The following AARS1 variants were observed in gnomAD, a reference collection of about 807,000 sequenced individuals.
AARS1 encodes alanine--tRNA ligase, cytoplasmic.
Under a neutral mutation model 108.9 loss-of-function variants are expected in AARS1, and 72 were observed. The ratio of observed to expected loss-of-function variants is 0.66; its 90% CI spans 0.55 to 0.80. The LOEUF is 0.80. Ranked by LOEUF, AARS1 falls within the 30% of genes least tolerant of loss-of-function variation. The pLI is 0.00. For synonymous variants in AARS1, 489 were observed against 465.7 expected (o/e 1.05, Z -0.64); for missense variants, 1,193 against 1,233.2 (o/e 0.97, Z 0.49).
chr16:70,289,349 G>A (rs1265841347), intron 1 of AARS1, 72 bp downstream of exon 1: 1 of 354,914 alleles, frequency 2.8e-6, no homozygotes, highest in African/African-American at 2.1e-5. Flanking sequence ...CACTGCGGCT[G>A]CGGAGCTTTC....
At chr16:70,262,552 G>C (rs377327005) in intron 11 of AARS1, 28 bp from the exon 12 acceptor site, 1 of 1,593,358 alleles carries the variant, frequency 6.3e-7, no homozygotes, top group East Asian at 2.2e-5. Context: ...ATAGAAAGGG[G>C]ACAGTGGGGT....
rs769545877 is a variant in AARS1 at position 70,271,737 on chromosome 16, C to G, written c.671+44G>C. The G allele has an allele frequency of 3.1e-6, 5 of 1,598,840 alleles. No homozygotes were observed. In the Admixed American group the frequency reaches 6.7e-5, roughly 21 times the overall value. ...TACACAGCTCCGAGTTCCTCCTCCC[C>G]TGCTCAGCTCAAGGAAAGGAATGGA... is the stretch of plus-strand genomic sequence containing the variant. On this transcript the variant is annotated intron_variant, in intron 5 of 20. Coordinates refer to ENST00000261772, the MANE Select transcript of AARS1 (RefSeq NM_001605.3).
At position 70,265,075 on chromosome 16, in the gene AARS1, C is replaced by T. The variant is rs769182022; in HGVS notation, c.1375G>A (p.Gly459Arg). 23 of 1,614,140 alleles carry T rather than the reference C, an allele frequency of 1.4e-5. No homozygotes were observed. Among genetic ancestry groups the T allele is most frequent in the Middle Eastern group, 1.7e-4 (1 of 6,054 alleles). ...ATGTCCAGCATAATGAGGTCTTCCC[C>T]ACCAGCTCCCTTGCCCTGTGATTTC... ...QLKSQGKGAG[G>R]EDLIMLDIYA... is the part of the protein sequence containing the mutation. Residue 459 changes from glycine to arginine, a missense_variant, in exon 11 of 21, where the codon GGG (glycine) becomes AGG (arginine). By Grantham distance (125) the Gly-to-Arg change is moderately radical. Transcript: ENST00000261772.
rs373069396 is a variant in AARS1 at position 70,265,641 on chromosome 16, T to C, written c.1244A>G (p.Tyr415Cys). 6.8e-5 allele frequency: 110 copies of C among 1,613,866 alleles called. 1 individual carries two copies. Among genetic ancestry groups the C allele is most frequent in the South Asian group, 1.2e-4 (11 of 91,080 alleles). The change falls in exon 10 of 21, where the codon TAT becomes TGT. Residue 415 changes from tyrosine (Y) to cysteine (C), a missense_variant. Transcript: ENST00000261772. ...ATCCACTGGAAACCCATAGGTGTCA[T>C]AGAGGAGCCAAGCAGTGTCTCCTAC... is the stretch of plus-strand genomic sequence containing the variant. ...TIPGDTAWLL[Y>C]DTYGFPVDLT... is the part of the protein sequence containing the mutation.
chr16:70,280,370 T>C (rs1960665900), intron 2 of AARS1, among the ~76,000 whole-genome samples: 1 of 152,092 alleles, frequency 6.6e-6, no homozygotes, highest in Admixed American at 6.6e-5. Context: ...GGGAGACCAG[T>C]CTCACTGTGT....
intron 4 of AARS1, among the ~76,000 whole-genome samples, chr16:70,274,265 C>T (rs941260222): frequency 2.6e-5 from 4 of 151,250 alleles, no homozygotes; most frequent in South Asian, 2.1e-4. Context: ...TGCTTGAATC[C>T]GGGAGACGGA....
In AARS1 at chr16:70,289,412, G is replaced by T. The variant is rs993437800; in HGVS notation, c.-22+9C>A. On this transcript the variant is annotated intron_variant, in intron 1 of 20. Coordinates refer to ENST00000261772, the MANE Select transcript of AARS1 (RefSeq NM_001605.3). ...CCTAGCACCGCAGAGCTCTCCGAGG[G>T]CGGCCTACCTCTCCTAGGGTCGCCG... The T allele has an allele frequency of 3.1e-5, 12 of 382,532 alleles. No homozygotes were observed. The highest frequency in any genetic ancestry group is 1.5e-4 in the African/African-American group (7 of 48,066). The allele number at this position is 382,532 out of a possible 1,614,324, so 23.7% of individuals were successfully genotyped here. A position where few individuals can be genotyped will look rare whatever the true frequency, so the allele number is the denominator to read the frequency against.
Position 70,276,555 on chromosome 16 carries a change from T to C in AARS1, c.410A>G (p.Tyr137Cys), listed in dbSNP as rs1374011607. The C allele has an allele frequency of 6.2e-7, 1 of 1,614,094 alleles. No homozygotes were observed. The highest frequency in any genetic ancestry group is 1.3e-5 in the African/African-American group (1 of 75,040). The change falls in exon 4 of 21, where the codon TAC (tyrosine) becomes TGC (cysteine). Residue 137 changes from tyrosine (Y) to cysteine (C), a missense_variant. Physicochemically the swap from Tyr to Cys is radical, Grantham distance 194 (BLOSUM62 -2). Transcript: ENST00000261772. ...GCCAGCTGCTTCATCCCCGCCAAAG[T>C]AAGTAACATAAAGTCTTTCAATGGG... is the stretch of plus-strand genomic sequence containing the variant. The part of the protein sequence containing the change: ...GIPIERLYVT[Y>C]FGGDEAAGLE...
chr16:70,281,681 A>T (rs1960699351), intron 2 of AARS1, among the ~76,000 whole-genome samples: 1 of 152,124 alleles, frequency 6.6e-6, no homozygotes, highest in Admixed American at 6.5e-5. Context: ...TAAATAAATT[A>T]AAAAATAAAT....
At chr16:70,256,164 T>G (rs1005103512) in intron 15 of AARS1, among the ~76,000 whole-genome samples, 3 of 152,242 alleles carry the variant, frequency 2.0e-5, no homozygotes, top group Admixed American at 6.5e-5. Flanking sequence ...GCTCCATTTT[T>G]GTATTCTGCT....
intron 2 of AARS1, 51 bp from the exon 3 acceptor site, chr16:70,277,205 G>A (rs773917635): frequency 2.6e-6 from 4 of 1,566,384 alleles, no homozygotes; most frequent in Non-Finnish European, 3.5e-6. Context: ...AGTGATGTCA[G>A]GTGGCCACAC....
chr16:70,252,788 C>G lies in AARS1; in HGVS notation c.2840G>C (p.Cys947Ser), dbSNP rs1959873440. 1 of 1,614,114 alleles carries G rather than the reference C, an allele frequency of 6.2e-7. No individual in the cohort carries two copies. Among genetic ancestry groups the G allele is most frequent in the African/African-American group, 1.3e-5 (1 of 74,952 alleles). The change falls in exon 21 of 21, where the codon TGC becomes TCC. Residue 947 changes from cysteine (C) to serine (S), a missense_variant. Cys to Ser is a moderately radical substitution (Grantham distance 112, BLOSUM62 -1). Coordinates refer to ENST00000261772, the MANE Select transcript of AARS1 (RefSeq NM_001605.3). ...GGCCAGCTGCAGCGCCTCCTGCAGGCAGCCAACGTTCTTGCCTGTGGCCTG... is the reference window on the plus strand; with the variant it reads ...GGCCAGCTGCAGCGCCTCCTGCAGGGAGCCAACGTTCTTGCCTGTGGCCTG... ...SAQATGKNVG[C>S]LQEALQLATS...
intron 20 of AARS1, 84 bp downstream of exon 20, chr16:70,253,184 T>C: frequency 8.3e-7 from 1 of 1,211,254 alleles, no homozygotes; most frequent in Non-Finnish European, 1.2e-6. Context: ...AGAAAGGCTG[T>C]TTCGAATGCA....
intron 16 of AARS1, 135 bp from the exon 17 acceptor site, chr16:70,254,869 G>A (rs1338114078): frequency 1.5e-6 from 1 of 681,186 alleles, no homozygotes; most frequent in Non-Finnish European, 2.7e-6. Flanking sequence ...TGTCTGTGGG[G>A]AGTAGGTGCT....
chr16:70,255,580 G>T (rs912006498), intron 16 of AARS1, 148 bp downstream of exon 16: 3 of 725,664 alleles, frequency 4.1e-6, no homozygotes, highest in Admixed American at 4.0e-5. Flanking sequence ...CCACTCAGGG[G>T]TAGGACACTG....
intron 12 of AARS1, 166 bp from the exon 13 acceptor site, chr16:70,261,323 C>T: frequency 1.9e-6 from 1 of 533,520 alleles, no homozygotes; most frequent in South Asian, 1.8e-5. Flanking sequence ...AGGCCAGGTG[C>T]AGTGGCTCAT....
At chr16:70,279,412 C>A (rs1226802676) in intron 2 of AARS1, among the ~76,000 whole-genome samples, 2 of 146,684 alleles carry the variant, frequency 1.4e-5, no homozygotes, top group Non-Finnish European at 3.0e-5. Context: ...GTAATCCCAG[C>A]ACTTTGGGAG....
In AARS1 at chr16:70,271,573, T is replaced by C. The variant is rs549217551; in HGVS notation, c.671+208A>G. ...ACAGCAGCCCGAAGTACAGCAAGCATGACATTATAGGAATAGCTCGCAAGA... is the reference window on the plus strand; with the variant it reads ...ACAGCAGCCCGAAGTACAGCAAGCACGACATTATAGGAATAGCTCGCAAGA... On this transcript the variant is annotated intron_variant, in intron 5 of 20. Transcript: ENST00000261772. Among the ~76,000 whole-genome samples, 15 of 151,092 alleles carry C rather than the reference T, an allele frequency of 9.9e-5. No homozygotes were observed. In the East Asian group the frequency reaches 2.3e-3, roughly 23 times the overall value.
intron 2 of AARS1, among the ~76,000 whole-genome samples, chr16:70,279,224 G>T (rs1960629146): frequency 6.6e-6 from 1 of 151,540 alleles, no homozygotes; most frequent in Admixed American, 6.6e-5. Context: ...GTGGGGGGGT[G>T]CCTGTAGTCC....
Sources: gnomAD v4.1 joint callset for allele counts (sites outside exome capture counted in the v4.1 genomes callset) on GRCh38, gnomAD v4.1.1 for gene constraint, MANE v1.5 for transcripts, NCBI Gene and HGNC (gene_info 2026-07-23, HGNC 2026-07-21) for gene names.